Variants in MAGI1 observed in about 807,000 individuals in gnomAD.
MAGI1 encodes membrane-associated guanylate kinase, WW and PDZ domain-containing protein 1.
In MAGI1, 58 loss-of-function variants were observed where a neutral mutation model predicts 139.9. The observed-to-expected ratio is 0.41, with a 90% CI of 0.34 to 0.52. The LOEUF is 0.52. Among genes scored for constraint, MAGI1 ranks in the 20% least tolerant of loss-of-function variants. MAGI1 has a pLI of 0.12. For synonymous variants in MAGI1, 812 were observed against 737.9 expected (o/e 1.10, Z -1.63); for missense variants, 1,874 against 1,901.6 (o/e 0.99, Z 0.27).
intron 12 of MAGI1, among the ~76,000 whole-genome samples, chr3:65,414,068 T>C (rs1043295411): frequency 6.6e-6 from 1 of 152,222 alleles, no homozygotes; most frequent in Non-Finnish European, 1.5e-5. Flanking sequence ...TCTGGCTATT[T>C]CCTACTGTTT....
At chr3:65,570,091 T>C (rs1030540021) in intron 2 of MAGI1, among the ~76,000 whole-genome samples, 6 of 146,122 alleles carry the variant, frequency 4.1e-5, no homozygotes, top group East Asian at 2.0e-4. Flanking sequence ...TTATTATTAT[T>C]ATTATTATTA....
chr3:65,777,087 T>C (rs550508006), intron 1 of MAGI1, among the ~76,000 whole-genome samples: 29 of 152,314 alleles, frequency 1.9e-4, no homozygotes, highest in South Asian at 4.1e-4. Context: ...AGTGAGCATG[T>C]GCAAGGATAA....
intron 1 of MAGI1, among the ~76,000 whole-genome samples, chr3:65,955,595 G>A (rs2064084410): frequency 6.6e-6 from 1 of 152,148 alleles, no homozygotes; most frequent in Non-Finnish European, 1.5e-5. Context: ...TCGCTGCTAG[G>A]AGAAGAAATG....
At chr3:65,407,292 C>T (rs1945417279) in intron 12 of MAGI1, among the ~76,000 whole-genome samples, 1 of 151,762 alleles carries the variant, frequency 6.6e-6, no homozygotes, top group South Asian at 2.1e-4. Context: ...ACTAAAAATA[C>T]AAAAATTAGC....
intron 1 of MAGI1, among the ~76,000 whole-genome samples, chr3:65,919,343 G>A (rs1023976559): frequency 2.6e-5 from 4 of 152,100 alleles, no homozygotes; most frequent in Non-Finnish European, 5.9e-5. Flanking sequence ...CAGGACGATC[G>A]TTTGAGCCCA....
chr3:65,814,997 C>G (rs906085184), intron 1 of MAGI1, among the ~76,000 whole-genome samples: 1 of 152,184 alleles, frequency 6.6e-6, no homozygotes, highest in Non-Finnish European at 1.5e-5. Context: ...TTTGGGAAAG[C>G]TGCAAGATCA....
chr3:65,387,111 C>T lies in MAGI1; in HGVS notation c.2417-3488G>A, dbSNP rs184448057. 624 of 1,572,708 alleles carry T rather than the reference C, an allele frequency of 4.0e-4. 1 individual carries two copies. Among genetic ancestry groups the T allele is most frequent in the Non-Finnish European group, 3.9e-4 (447 of 1,142,728 alleles). On this transcript the variant is annotated intron_variant, in intron 14 of 22. Coordinates refer to ENST00000402939, the MANE Select transcript of MAGI1 (RefSeq NM_001033057.2). ...GAACATCAAACAAGATGAATGAAAA[C>T]GGAGAGACAAAAGTTTTCAGCGGAT...
At chr3:65,748,905 C>T (rs572848445) in intron 1 of MAGI1, among the ~76,000 whole-genome samples, 1 of 152,198 alleles carries the variant, frequency 6.6e-6, no homozygotes, top group Admixed American at 6.5e-5. Flanking sequence ...AACACAGGAT[C>T]CCAAAGCAGC....
chr3:65,553,693 C>G (rs553892193), intron 2 of MAGI1, among the ~76,000 whole-genome samples: 1 of 152,198 alleles, frequency 6.6e-6, no homozygotes, highest in African/African-American at 2.4e-5. Context: ...TTAGGATATG[C>G]TATATATTTT....
chr3:65,859,550 G>C (rs1383993757), intron 1 of MAGI1, among the ~76,000 whole-genome samples: 1 of 151,902 alleles, frequency 6.6e-6, no homozygotes, highest in Admixed American at 6.6e-5. Flanking sequence ...CCAATGCAGT[G>C]AAACCCCGCC....
At chr3:65,834,305 G>A (rs372115767) in intron 1 of MAGI1, among the ~76,000 whole-genome samples, 238 of 152,316 alleles carry the variant, frequency 1.6e-3, no homozygotes, top group African/African-American at 5.4e-3. Flanking sequence ...AGAAAAATCT[G>A]AGGGAAGAGC....
intron 14 of MAGI1, among the ~76,000 whole-genome samples, chr3:65,388,690 G>A (rs557710695): frequency 5.3e-5 from 8 of 152,112 alleles, no homozygotes; most frequent in Admixed American, 2.6e-4. Context: ...CCATGTGAAT[G>A]TTAACATCAA....
At chr3:65,814,874 G>C (rs1343167541) in intron 1 of MAGI1, among the ~76,000 whole-genome samples, 1 of 152,116 alleles carries the variant, frequency 6.6e-6, no homozygotes, top group Non-Finnish European at 1.5e-5. Context: ...TAAGAGTGTT[G>C]GCATTTTAAT....
chr3:65,906,590 T>C (rs1389013493), intron 1 of MAGI1, among the ~76,000 whole-genome samples: 1 of 151,970 alleles, frequency 6.6e-6, no homozygotes, highest in Non-Finnish European at 1.5e-5. Flanking sequence ...AAAATCAAAA[T>C]ATACAGCCAT....
chr3:65,545,013 A>G (rs989857501), intron 2 of MAGI1, among the ~76,000 whole-genome samples: 1 of 152,202 alleles, frequency 6.6e-6, no homozygotes, highest in Non-Finnish European at 1.5e-5. Context: ...ATCTTTGGAA[A>G]GGGGCGGGCT....
chr3:65,631,028 A>C (rs944485914), intron 1 of MAGI1, among the ~76,000 whole-genome samples: 1 of 152,244 alleles, frequency 6.6e-6, no homozygotes, highest in African/African-American at 2.4e-5. Flanking sequence ...GCAGTTGTGT[A>C]GTGTGTATGC....
intron 12 of MAGI1, among the ~76,000 whole-genome samples, chr3:65,407,462 A>G (rs993740991): frequency 2.7e-5 from 4 of 148,406 alleles, no homozygotes; most frequent in Non-Finnish European, 6.0e-5. Context: ...AAAAAAAAAA[A>G]GGAAACAATC....
At chr3:65,561,653 C>T (rs1307984416) in intron 2 of MAGI1, among the ~76,000 whole-genome samples, 1 of 152,194 alleles carries the variant, frequency 6.6e-6, no homozygotes, top group Non-Finnish European at 1.5e-5. Context: ...TTTACATCAA[C>T]TCTCGTTTTA....
At chr3:65,466,051 T>C (rs1950152527) in intron 5 of MAGI1, among the ~76,000 whole-genome samples, 1 of 152,212 alleles carries the variant, frequency 6.6e-6, no homozygotes, top group South Asian at 2.1e-4. Context: ...GGCTACTGTA[T>C]TTTTCAGTTG....
Sources: allele counts gnomAD v4.1 joint callset (sites outside exome capture counted in the v4.1 genomes callset), GRCh38; gene constraint gnomAD v4.1.1; transcripts MANE v1.5; gene names NCBI Gene and HGNC (gene_info 2026-07-23, HGNC 2026-07-21).